Variants in MACF1 observed in about 807,000 individuals in gnomAD.
The protein encoded by MACF1 is microtubule-actin cross-linking factor 1.
Under a neutral mutation model 854.8 loss-of-function variants are expected in MACF1, and 193 were observed. The ratio of observed to expected loss-of-function variants is 0.23; its 90% CI spans 0.20 to 0.25. MACF1 has a LOEUF of 0.25. Ranked by LOEUF, MACF1 falls within the 10% of genes least tolerant of loss-of-function variation. MACF1 has a pLI of 1.00. For missense variants in MACF1, 7,722 were observed against 8,929.1 expected (o/e 0.86, Z 5.45); for synonymous variants, 3,185 against 3,226.7 (o/e 0.99, Z 0.44).
chr1:39,415,078 G>T (rs1248230925), intron 58 of MACF1, among the ~76,000 whole-genome samples: 3 of 152,188 alleles, frequency 2.0e-5, no homozygotes. Flanking sequence ...TTGGTTGAAA[G>T]AATTTACCAA....
At chr1:39,132,758 T>TG (rs1178285898) in intron 2 of MACF1, among the ~76,000 whole-genome samples, 1 of 152,070 alleles carries the variant, frequency 6.6e-6, no homozygotes, top group Non-Finnish European at 1.5e-5. Context: ...ATTTGATGTG[T>TG]GGGGGGTGGG....
At chr1:39,205,192 A>C (rs1178311153) in intron 1 of MACF1, 61 bp downstream of exon 1, 5 of 699,936 alleles carry the variant, frequency 7.1e-6, no homozygotes, top group East Asian at 2.7e-5. Context: ...GGGTGGGGTG[A>C]ATGATGGAGG....
Position 39,469,579 on chromosome 1 carries a change from G to A in MACF1, c.21922G>A (p.Asp7308Asn). 1 of 1,550,574 alleles carries A rather than the reference G, an allele frequency of 6.4e-7. No individual in the cohort carries two copies. Residue 7308 changes from aspartate (D) to asparagine (N), a missense_variant, in exon 97 of 101, where the codon GAT becomes AAT. Physicochemically the swap from Asp to Asn is conservative, Grantham distance 23. This residue lies in a region of MACF1 where 153 missense variants were observed against 342.5 expected (regional missense o/e 0.45). Transcript: ENST00000564288. ...HHPGSKIKRSDSSSSISSQSP... is the reference protein window; with the variant it reads ...HHPGSKIKRSNSSSSISSQSP... ...TCCTGGGAGTAAAATAAAGCGCTCT[G>A]ATTCCAGCTCTTCGATTTCCAGTCA...
At chr1:39,395,043 A>G (rs1245741650) in intron 58 of MACF1, among the ~76,000 whole-genome samples, 4 of 146,146 alleles carry the variant, frequency 2.7e-5, no homozygotes, top group Admixed American at 6.8e-5. Context: ...GGATTTCTCA[A>G]TTTCGGCACT....
chr1:39,160,161 T>C (rs1407329684), intron 2 of MACF1, among the ~76,000 whole-genome samples: 2 of 151,972 alleles, frequency 1.3e-5, no homozygotes, highest in East Asian at 3.9e-4. Flanking sequence ...ACAGAAATGT[T>C]AAAAAATTAG....
intron 2 of MACF1, among the ~76,000 whole-genome samples, chr1:39,151,963 T>C (rs1643588659): frequency 1.3e-5 from 2 of 152,018 alleles, no homozygotes; most frequent in South Asian, 4.1e-4. Context: ...TTGTCTTTTA[T>C]AAAATATATA....
At chr1:39,293,012 A>G (rs980003025) in intron 17 of MACF1, among the ~76,000 whole-genome samples, 169 bp downstream of exon 17, 8 of 152,154 alleles carry the variant, frequency 5.3e-5, no homozygotes, top group African/African-American at 1.7e-4. Context: ...CATTTTCCCA[A>G]TTTTCTAAAT....
chr1:39,205,815 T>C lies in MACF1; in HGVS notation c.109+684T>C, dbSNP rs150365578. Among the ~76,000 whole-genome samples the C allele has an allele frequency of 8.5e-5, 13 of 152,156 alleles. No individual in the cohort carries two copies. The East Asian group carries it at 2.5e-3, about 29-fold the overall frequency. On this transcript the variant is annotated intron_variant, in intron 1 of 100. Transcript: ENST00000564288. ...TTAAAAAAAAAATTTTTTTTTGTAATGGCACCAGAACCCTCATTCTTCCCA... is the reference window on the plus strand; with the variant it reads ...TTAAAAAAAAAATTTTTTTTTGTAACGGCACCAGAACCCTCATTCTTCCCA...
chr1:39,126,550 G>A (rs1236585983), intron 2 of MACF1, among the ~76,000 whole-genome samples: 2 of 152,160 alleles, frequency 1.3e-5, no homozygotes, highest in Non-Finnish European at 2.9e-5. Flanking sequence ...CACTTTGGGA[G>A]GCCAAGGCAT....
chr1:39,472,594 G>A (rs1300088206), intron 97 of MACF1, among the ~76,000 whole-genome samples: 1 of 152,150 alleles, frequency 6.6e-6, no homozygotes, highest in African/African-American at 2.4e-5. Flanking sequence ...TCGTTTCATT[G>A]CCTTGCATCT....
At chr1:39,175,769 G>A (rs1219040182) in intron 2 of MACF1, among the ~76,000 whole-genome samples, 3 of 151,506 alleles carry the variant, frequency 2.0e-5, no homozygotes, top group East Asian at 3.9e-4. Context: ...CCTGGCCAAC[G>A]TGGTGAAAGC....
chr1:39,142,113 T>G (rs1643358614), intron 2 of MACF1, among the ~76,000 whole-genome samples: 2 of 152,222 alleles, frequency 1.3e-5, no homozygotes, highest in African/African-American at 2.4e-5. Flanking sequence ...TGGGCTCTGC[T>G]GCCTTTATCC....
intron 2 of MACF1, among the ~76,000 whole-genome samples, chr1:39,112,087 CTTTT>C (rs569400137): frequency 7.5e-6 from 1 of 133,604 alleles, no homozygotes; most frequent in African/African-American, 2.8e-5. Flanking sequence ...TTATTCAAAT[CTTTT>C]TTTTTTTTTT....
intron 2 of MACF1, among the ~76,000 whole-genome samples, chr1:39,194,232 C>A (rs1644289211): frequency 6.6e-6 from 1 of 152,038 alleles, no homozygotes; most frequent in Non-Finnish European, 1.5e-5. Flanking sequence ...AAGGGTAAGA[C>A]CTTCAGTTGC....
intron 2 of MACF1, among the ~76,000 whole-genome samples, chr1:39,110,890 T>G (rs1424139948): frequency 2.0e-5 from 3 of 152,112 alleles, no homozygotes; most frequent in Non-Finnish European, 4.4e-5. Flanking sequence ...TACTTCAGAG[T>G]GCATATCTGA....
rs974275192 is a variant in MACF1, at chr1:39,431,006, T to C, written c.17337+98T>C. 6 of 1,087,058 alleles carry C rather than the reference T, an allele frequency of 5.5e-6. No individual in the cohort carries two copies. In the African/African-American group the frequency reaches 7.8e-5, roughly 14 times the overall value. 67.3% of individuals were successfully genotyped at this position (1,087,058 alleles called of 1,614,324 possible). A position where few individuals can be genotyped will look rare whatever the true frequency, so the allele number is the denominator to read the frequency against. On this transcript the variant is annotated intron_variant, in intron 66 of 100. Transcript: ENST00000564288. Reference sequence around the variant, plus strand: ...ATAAATACAGACTCAGAAATAAGAATGGGCTCAAGCTAAATCTGGTGGAAT... The same window carrying C: ...ATAAATACAGACTCAGAAATAAGAACGGGCTCAAGCTAAATCTGGTGGAAT...
chr1:39,138,501 C>T (rs1034271762), intron 2 of MACF1, among the ~76,000 whole-genome samples: 10 of 151,056 alleles, frequency 6.6e-5, no homozygotes, highest in African/African-American at 1.9e-4. Context: ...GGGAGAATGG[C>T]GTGAACCTGG....
intron 7 of MACF1, 102 bp downstream of exon 7, chr1:39,282,476 C>T (rs1260252534): frequency 8.0e-7 from 1 of 1,256,450 alleles, no homozygotes; most frequent in African/African-American, 1.5e-5. Context: ...AAAATCAAAG[C>T]TTTGATTCAT....
Position 39,327,329 on chromosome 1 carries a change from G to C in MACF1, c.4590G>C (p.Gln1530His). 4 of 1,605,332 alleles carry C rather than the reference G, an allele frequency of 2.5e-6. No individual in the cohort carries two copies. Among genetic ancestry groups the C allele is most frequent in the Non-Finnish European group, 3.4e-6 (4 of 1,173,008 alleles). Residue 1530 changes from glutamine (Q) to histidine (H), a missense_variant, in exon 36 of 101, where the codon CAG becomes CAC. Physicochemically the swap from Gln to His is conservative, Grantham distance 24. Transcript: ENST00000564288. ...ATCAGCTTCAGCAGCTTCAGAGCCAGTTGGCTCACCAGACAGAACAAAAGG... is the reference window on the plus strand; with the variant it reads ...ATCAGCTTCAGCAGCTTCAGAGCCACTTGGCTCACCAGACAGAACAAAAGG... ...SANQLQQLQS[Q>H]LAHQTEQKEC... is the part of the protein sequence containing the mutation.
Sources: gnomAD v4.1 joint callset for allele counts (sites outside exome capture counted in the v4.1 genomes callset) on GRCh38, gnomAD v4.1.1 for gene constraint, gnomAD v4.1.1 regional missense constraint, MANE v1.5 for transcripts, NCBI Gene and HGNC (gene_info 2026-07-23, HGNC 2026-07-21) for gene names.